CCNYL1: variants seen among roughly 807,000 people sequenced by gnomAD.
The protein encoded by CCNYL1 is cyclin Y like 1, also known as cyclin-Y-like protein 1.
CCNYL1 carries 16 observed loss-of-function variants against 44.2 expected under a neutral mutation model. The observed-to-expected ratio is 0.36, with a 90% confidence interval of 0.25 to 0.55. CCNYL1 has a LOEUF of 0.55. Among genes scored for constraint, CCNYL1 ranks in the 20% least tolerant of loss-of-function variants. The probability of loss-of-function intolerance (pLI) is 0.85; values close to 1 mark genes in which losing one functional copy is unlikely to be tolerated. For missense variants in CCNYL1, 348 were observed against 451.8 expected (o/e 0.77, Z 2.08); for synonymous variants, 159 against 163.2 (o/e 0.97, Z 0.20).
At chr2:207,713,104 G>T (rs1256102564) in intron 1 of CCNYL1, among the ~76,000 whole-genome samples, 4 of 152,192 alleles carry the variant, frequency 2.6e-5, no homozygotes, top group Admixed American at 2.6e-4. Context: ...GTGAGCCACC[G>T]CGCCCAGAGG....
At chr2:207,712,166 T>A (rs752491068) in intron 1 of CCNYL1, 50 bp downstream of exon 1, 5 of 1,507,300 alleles carry the variant, frequency 3.3e-6, no homozygotes, top group Non-Finnish European at 4.5e-6. Context: ...TCTGCCCGCC[T>A]CCTCCCCCAG....
chr2:207,746,158 T>C (rs1287898018), intron 7 of CCNYL1, among the ~76,000 whole-genome samples: 1 of 152,226 alleles, frequency 6.6e-6, no homozygotes, highest in African/African-American at 2.4e-5. Flanking sequence ...TTTGTCCATC[T>C]GTGTTCCTTG....
chr2:207,712,203 C>T (rs2091554430), intron 1 of CCNYL1, 87 bp downstream of exon 1: 28 of 1,148,948 alleles, frequency 2.4e-5, no homozygotes, highest in Non-Finnish European at 3.4e-5. Flanking sequence ...TCCGCCGCCT[C>T]GGGCTCCTTC....
At chr2:207,746,610 CTG>C (rs1394003939) in intron 7 of CCNYL1, among the ~76,000 whole-genome samples, 1 of 152,200 alleles carries the variant, frequency 6.6e-6, no homozygotes, top group Non-Finnish European at 1.5e-5. Context: ...AGCAAAGTCT[CTG>C]TAGAACATAA....
Position 207,746,519 on chromosome 2 carries a change from G to A in CCNYL1, c.640-528G>A, listed in dbSNP as rs112939880. ...GATGTCCAGTCATTCCTGTGACTGG[G>A]TGGGAAATGTATATGGGCAGAATAG... On this transcript the variant is annotated intron_variant, in intron 7 of 9. Transcript: ENST00000295414. Among the ~76,000 whole-genome samples, 69 of 152,316 alleles carry A rather than the reference G, an allele frequency of 4.5e-4. 1 individual carries two copies. The highest frequency in any genetic ancestry group is 1.6e-3 in the African/African-American group (67 of 41,560).
At chr2:207,721,078 T>A (rs1251270720) in intron 1 of CCNYL1, among the ~76,000 whole-genome samples, 2 of 152,128 alleles carry the variant, frequency 1.3e-5, no homozygotes. Flanking sequence ...TCTCAGCGTT[T>A]ACATCATAGT....
intron 3 of CCNYL1, among the ~76,000 whole-genome samples, chr2:207,731,539 ATAT>A (rs2091726159): frequency 6.6e-6 from 1 of 152,000 alleles, no homozygotes; most frequent in Non-Finnish European, 1.5e-5. Flanking sequence ...TTTATATTTT[ATAT>A]TATTATGTTT....
chr2:207,727,628 A>G (rs1049621494), intron 3 of CCNYL1, among the ~76,000 whole-genome samples: 5 of 152,116 alleles, frequency 3.3e-5, no homozygotes, highest in Non-Finnish European at 7.4e-5. Flanking sequence ...CCACATGCCT[A>G]TCAAAAATGT....
intron 1 of CCNYL1, among the ~76,000 whole-genome samples, chr2:207,720,209 A>T (rs914915233): frequency 1.3e-5 from 2 of 150,624 alleles, no homozygotes; most frequent in Non-Finnish European, 3.0e-5. Context: ...AAAAAAAAAA[A>T]GGCTTGGTAG....
In CCNYL1 at chr2:207,755,845, T is replaced by C. The variant is rs897059305; in HGVS notation, c.*2147T>C. ...AGTGTTCTCAACTATGTGAAATCTG[T>C]TTCTCCTACTTTCTCAAATCTAATC... On this transcript the variant is annotated 3_prime_UTR_variant, in exon 10 of 10. Coordinates refer to ENST00000295414, the MANE Select transcript of CCNYL1 (RefSeq NM_001330218.2). 23 of 152,246 alleles carry C rather than the reference T, an allele frequency of 1.5e-4. No homozygotes were observed. Among genetic ancestry groups the C allele is most frequent in the Non-Finnish European group, 1.2e-4 (8 of 68,036 alleles). The allele number at this position is 152,246 out of a possible 1,614,324, so 9.4% of individuals were successfully genotyped here.
rs190940419 is a variant in CCNYL1 at position 207,712,300 on chromosome 2, T to C, written c.220+184T>C. Among the ~76,000 whole-genome samples, 141 of 152,284 alleles carry C rather than the reference T, an allele frequency of 9.3e-4. 1 individual carries two copies. Among genetic ancestry groups the C allele is most frequent in the Middle Eastern group, 3.4e-3 (1 of 294 alleles). On this transcript the variant is annotated intron_variant, in intron 1 of 9. Coordinates refer to ENST00000295414, the MANE Select transcript of CCNYL1 (RefSeq NM_001330218.2). ...TGCCCTGCTGCGTCTGGCCAGTTTC[T>C]TTTCCTCCTCCTTACCGTAACGCCC...
Position 207,724,888 on chromosome 2 carries a change from GT to G in CCNYL1, c.295+20del, listed in dbSNP as rs2091668591. ...CTCAAACGGATGGTAAGACAATACT[GT>G]TTTTTCCTTCCAAGGAAAAGACTGA... On this transcript the variant is annotated intron_variant, in intron 2 of 9. Transcript: ENST00000295414. The G allele has an allele frequency of 6.3e-7, 1 of 1,589,294 alleles. No homozygotes were observed. Among genetic ancestry groups the G allele is most frequent in the African/African-American group, 1.4e-5 (1 of 74,034 alleles).
chr2:207,753,387 A>G (rs1052304897), intron 9 of CCNYL1, among the ~76,000 whole-genome samples: 6 of 152,212 alleles, frequency 3.9e-5, no homozygotes, highest in Admixed American at 2.6e-4. Context: ...GAATCTAACC[A>G]TAGCCCTTAA....
intron 9 of CCNYL1, among the ~76,000 whole-genome samples, chr2:207,752,210 C>G (rs1382435859): frequency 6.6e-6 from 1 of 152,096 alleles, no homozygotes; most frequent in African/African-American, 2.4e-5. Flanking sequence ...GCCAAGAGAC[C>G]TATACCCTTC....
At chr2:207,751,202 T>C in intron 9 of CCNYL1, 83 bp downstream of exon 9, 1 of 1,250,226 alleles carries the variant, frequency 8.0e-7, no homozygotes, top group Non-Finnish European at 1.1e-6. Context: ...AAGTAGTGAT[T>C]AGGAAAATGG....
chr2:207,754,481 A>C lies in CCNYL1; in HGVS notation c.*783A>C, dbSNP rs1000592763. On this transcript the variant is annotated 3_prime_UTR_variant, in exon 10 of 10. Transcript: ENST00000295414. ...ATTAAAAGATATTTTCATAATGCCAACCAACATGGTGGTTCAGTGACGATG... is the reference window on the plus strand; with the variant it reads ...ATTAAAAGATATTTTCATAATGCCACCCAACATGGTGGTTCAGTGACGATG... 11 of 152,606 alleles carry C rather than the reference A, an allele frequency of 7.2e-5. No homozygotes were observed. The highest frequency in any genetic ancestry group is 1.7e-4 in the African/African-American group (7 of 41,442). 9.5% of individuals were successfully genotyped at this position (152,606 alleles called of 1,614,324 possible).
chr2:207,735,942 A>G (rs2091761840), intron 4 of CCNYL1, among the ~76,000 whole-genome samples: 1 of 152,170 alleles, frequency 6.6e-6, no homozygotes, highest in Non-Finnish European at 1.5e-5. Flanking sequence ...GATGCCAATT[A>G]AATCAGAATG....
intron 3 of CCNYL1, among the ~76,000 whole-genome samples, chr2:207,731,452 GT>G (rs1475423670): frequency 2.0e-5 from 3 of 152,082 alleles, no homozygotes; most frequent in Non-Finnish European, 4.4e-5. Flanking sequence ...TATATTCTTT[GT>G]CCCTATTTTG....
chr2:207,733,276 C>T (rs573398424), intron 3 of CCNYL1, among the ~76,000 whole-genome samples: 1 of 152,292 alleles, frequency 6.6e-6, no homozygotes, highest in Non-Finnish European at 1.5e-5. Context: ...CTGAGGTTCT[C>T]ATTTGAATAA....
Sources: gnomAD v4.1 joint callset for allele counts (sites outside exome capture counted in the v4.1 genomes callset) on GRCh38, gnomAD v4.1.1 for gene constraint, MANE v1.5 for transcripts, NCBI Gene and HGNC (gene_info 2026-07-23, HGNC 2026-07-21) for gene names.